The following GRID1 variants were observed in gnomAD, a reference collection of about 807,000 sequenced individuals.
GRID1 encodes glutamate receptor ionotropic, delta-1.
In GRID1, 28 loss-of-function variants were observed where a neutral mutation model predicts 98.0. The ratio of observed to expected loss-of-function variants is 0.29; its 90% CI spans 0.21 to 0.39. The LOEUF (loss-of-function observed/expected upper bound fraction) is 0.39, where lower values mean the gene tolerates loss of function less well. GRID1 is among the 10% of genes least tolerant of loss of function. The pLI is 1.00. For synonymous variants in GRID1, 553 were observed against 538.5 expected, an observed-to-expected ratio of 1.03 and a Z score of -0.37; for missense variants, 1,111 against 1,340.5, an observed-to-expected ratio of 0.83 and a Z score of 2.67.
intron 8 of GRID1, among the ~76,000 whole-genome samples, chr10:85,820,156 AAAG>A (rs2131751086): frequency 6.6e-6 from 1 of 151,860 alleles, no homozygotes; most frequent in Non-Finnish European, 1.5e-5. Flanking sequence ...AGAAAGAAAG[AAAG>A]AAAGAAAGAA....
intron 2 of GRID1, among the ~76,000 whole-genome samples, chr10:86,319,647 G>A (rs1053612302): frequency 1.3e-5 from 2 of 152,202 alleles, no homozygotes; most frequent in Non-Finnish European, 2.9e-5. Context: ...AGGCAAAGAG[G>A]TTCCAATAAA....
chr10:85,674,837 A>G (rs1438828883), intron 12 of GRID1, among the ~76,000 whole-genome samples: 2 of 152,168 alleles, frequency 1.3e-5, no homozygotes, highest in Middle Eastern at 3.2e-3. Flanking sequence ...AATTATAACC[A>G]AAGACTCACT....
intron 12 of GRID1, among the ~76,000 whole-genome samples, chr10:85,677,490 G>A (rs1158521297): frequency 1.3e-5 from 2 of 152,236 alleles, no homozygotes; most frequent in Non-Finnish European, 2.9e-5. Context: ...TCATGTGCTA[G>A]ATACATTCAT....
intron 2 of GRID1, among the ~76,000 whole-genome samples, chr10:86,228,546 C>G (rs940569086): frequency 5.3e-5 from 8 of 152,146 alleles, no homozygotes; most frequent in Non-Finnish European, 7.4e-5. Context: ...GTTAATTCCA[C>G]CTGACACCCT....
intron 2 of GRID1, among the ~76,000 whole-genome samples, chr10:86,347,315 G>C (rs531738778): frequency 6.6e-6 from 1 of 152,068 alleles, no homozygotes; most frequent in South Asian, 2.1e-4. Context: ...CTGCAGTCTC[G>C]GCATCCTTTC....
chr10:85,790,162 C>T (rs1381123566), intron 8 of GRID1, among the ~76,000 whole-genome samples: 1 of 152,218 alleles, frequency 6.6e-6, no homozygotes, highest in Non-Finnish European at 1.5e-5. Flanking sequence ...CTGAGCCTGT[C>T]CACCAAAGCG....
chr10:86,193,519 G>A (rs1845833385), intron 3 of GRID1, among the ~76,000 whole-genome samples: 1 of 147,638 alleles, frequency 6.8e-6, no homozygotes, highest in African/African-American at 2.4e-5. Flanking sequence ...GGGGCTTGTG[G>A]GCACACCAGA....
chr10:85,861,086 T>G (rs1301962103), intron 6 of GRID1, among the ~76,000 whole-genome samples: 3 of 152,202 alleles, frequency 2.0e-5, no homozygotes, highest in African/African-American at 7.2e-5. Context: ...TGAGAGCTCC[T>G]CCAGGGATGT....
intron 10 of GRID1, among the ~76,000 whole-genome samples, chr10:85,726,616 G>A (rs1474519419): frequency 6.6e-6 from 1 of 152,184 alleles, no homozygotes; most frequent in Non-Finnish European, 1.5e-5. Flanking sequence ...AGAAGCTGCA[G>A]AGAAGGATGG....
Position 85,600,696 on chromosome 10 carries a change from TCA to T in GRID1, c.*1575_*1576del, listed in dbSNP as rs536982735. On this transcript the variant is annotated 3_prime_UTR_variant, in exon 16 of 16. Coordinates refer to ENST00000327946, the MANE Select transcript of GRID1 (RefSeq NM_017551.3). Reference sequence around the variant, plus strand: ...AGGAGAGGAACTGAAGTGACACAACTCAGATTCCCCCAGTTCCACTCCTAATG... The same window carrying T: ...AGGAGAGGAACTGAAGTGACACAACTGATTCCCCCAGTTCCACTCCTAATG... 3.3e-4 allele frequency: 50 copies of T among 152,312 alleles called. No individual in the cohort carries two copies. Among genetic ancestry groups the T allele is most frequent in the African/African-American group, 1.0e-3 (43 of 41,548 alleles). 9.4% of individuals were successfully genotyped at this position (152,312 alleles called of 1,614,324 possible). A position where few individuals can be genotyped will look rare whatever the true frequency, so the allele number is the denominator to read the frequency against.
intron 4 of GRID1, among the ~76,000 whole-genome samples, chr10:86,071,037 T>A (rs922339302): frequency 2.6e-5 from 4 of 152,224 alleles, no homozygotes; most frequent in Non-Finnish European, 5.9e-5. Context: ...GGCCTCTGGG[T>A]GTGCAACCCT....
intron 6 of GRID1, 55 bp from the exon 7 acceptor site, chr10:85,856,245 T>A (rs1225108317): frequency 6.6e-7 from 1 of 1,512,254 alleles, no homozygotes; most frequent in Admixed American, 1.7e-5. Flanking sequence ...TAGAGAGCTT[T>A]GGAGAAACCC....
In GRID1 at chr10:85,832,915, C is replaced by T. The variant is rs73332661; in HGVS notation, c.1233+21581G>A. ...GCACTACCCTTCCACACTAACTACC[C>T]TCCACACCAACCTGGGACTCCCCTG... On this transcript the variant is annotated intron_variant, in intron 8 of 15. Transcript: ENST00000327946. 5.7e-3 allele frequency among the ~76,000 whole-genome samples: 869 copies of T among 152,112 alleles called. 8 individuals carry two copies. Among genetic ancestry groups the T allele is most frequent in the African/African-American group, 0.02 (816 of 41,482 alleles).
chr10:85,905,891 A>G (rs1278014095), intron 5 of GRID1, among the ~76,000 whole-genome samples: 1 of 152,150 alleles, frequency 6.6e-6, no homozygotes, highest in Non-Finnish European at 1.5e-5. Flanking sequence ...GACAGCCTTG[A>G]ACCTAACAAT....
intron 6 of GRID1, among the ~76,000 whole-genome samples, chr10:85,858,830 C>T (rs1427171765): frequency 6.6e-6 from 1 of 152,232 alleles, no homozygotes; most frequent in Non-Finnish European, 1.5e-5. Context: ...AGCACCAGCG[C>T]ATCTGTGGCT....
intron 4 of GRID1, among the ~76,000 whole-genome samples, chr10:86,026,254 G>A (rs1477888332): frequency 1.3e-5 from 2 of 152,320 alleles, no homozygotes; most frequent in East Asian, 1.9e-4. Context: ...TGTATTTGAT[G>A]AGTAATATCT....
At chr10:85,837,719 C>T (rs924025883) in intron 8 of GRID1, among the ~76,000 whole-genome samples, 3 of 152,074 alleles carry the variant, frequency 2.0e-5, no homozygotes, top group East Asian at 3.9e-4. Flanking sequence ...AGAATCAGCA[C>T]AAGAATGCTG....
At chr10:85,769,315 A>C (rs1165835464) in intron 8 of GRID1, among the ~76,000 whole-genome samples, 1 of 152,246 alleles carries the variant, frequency 6.6e-6, no homozygotes, top group African/African-American at 2.4e-5. Flanking sequence ...TGTGGGGTAC[A>C]CATGAATATA....
intron 5 of GRID1, among the ~76,000 whole-genome samples, chr10:85,887,417 A>G (rs1161424016): frequency 6.6e-6 from 1 of 152,222 alleles, no homozygotes; most frequent in Admixed American, 6.5e-5. Context: ...TGCACAGGCC[A>G]CAGCAACTTG....
Sources: gnomAD v4.1 joint callset for allele counts (sites outside exome capture counted in the v4.1 genomes callset) on GRCh38, gnomAD v4.1.1 for gene constraint, MANE v1.5 for transcripts, NCBI Gene and HGNC (gene_info 2026-07-23, HGNC 2026-07-21) for gene names.